ATMIN: variants seen among roughly 807,000 people sequenced by gnomAD.
ATMIN encodes ATM interactor, also known as ATM INteracting protein.
A neutral mutation model predicts 49.2 loss-of-function variants in ATMIN; 24 were observed. That is an observed-to-expected ratio of 0.49 (90% CI 0.35 to 0.69). ATMIN has a LOEUF of 0.69. Ranked by LOEUF, ATMIN falls within the 30% of genes least tolerant of loss-of-function variation. The pLI is 0.00. For missense variants in ATMIN, 1,037 were observed against 1,005.5 expected, an observed-to-expected ratio of 1.03 and a Z score of -0.42; for synonymous variants, 450 against 392.5, an observed-to-expected ratio of 1.15 and a Z score of -1.73.
At chr16:81,039,460 A>G (rs1199557621) in intron 1 of ATMIN, among the ~76,000 whole-genome samples, 1 of 152,140 alleles carries the variant, frequency 6.6e-6, no homozygotes, top group African/African-American at 2.4e-5. Context: ...AGCAACGAGG[A>G]TGGGTGAGAA....
At position 81,044,168 on chromosome 16, in the gene ATMIN, A is replaced by C; in HGVS notation, c.1670A>C (p.Gln557Pro). Residue 557 changes from glutamine to proline, a missense_variant, in exon 4 of 4, where the codon CAA (glutamine) becomes CCA (proline). By Grantham distance (76) the Gln-to-Pro change is moderately conservative. Coordinates refer to ENST00000299575, the MANE Select transcript of ATMIN (RefSeq NM_015251.3). ...CAGAATGAGCCTAAGACTTTAAATC[A>C]AGATATTGAGAAATCTGCACCAATT... ...LPQNEPKTLN[Q>P]DIEKSAPIIN... 6.2e-7 allele frequency: 1 copy of C among 1,614,226 alleles called. No homozygotes were observed. Among genetic ancestry groups the C allele is most frequent in the Non-Finnish European group, 8.5e-7 (1 of 1,180,022 alleles).
Position 81,046,276 on chromosome 16 carries a change from A to T in ATMIN, c.*1306A>T, listed in dbSNP as rs566373800. 1 of 152,204 alleles carries T rather than the reference A, an allele frequency of 6.6e-6. No individual in the cohort carries two copies. 9.4% of individuals were successfully genotyped at this position (152,204 alleles called of 1,614,324 possible). Reference sequence around the variant, plus strand: ...GTTTCAATACTTTGCACTTCTACTAAGCTTGATAGGGCAGGAGTGCAATCT... The same window carrying T: ...GTTTCAATACTTTGCACTTCTACTATGCTTGATAGGGCAGGAGTGCAATCT... On this transcript the variant is annotated 3_prime_UTR_variant, in exon 4 of 4. Coordinates refer to ENST00000299575, the MANE Select transcript of ATMIN (RefSeq NM_015251.3).
At chr16:81,041,591 A>ACACGCAGGCATC in intron 2 of ATMIN, 110 bp downstream of exon 2, 7 of 1,383,074 alleles carry the variant, frequency 5.1e-6, no homozygotes, top group Non-Finnish European at 6.9e-6. Context: ...GTGAGGGGAG[A>ACACGCAGGCATC]TGCCTGCGTG....
intron 3 of ATMIN, 68 bp from the exon 4 acceptor site, chr16:81,043,093 G>C: frequency 6.6e-7 from 1 of 1,514,878 alleles, no homozygotes; most frequent in East Asian, 2.3e-5. Flanking sequence ...TTGTAAGTGA[G>C]GATAGAGTGT....
At chr16:81,037,722 G>A (rs1970968979) in intron 1 of ATMIN, among the ~76,000 whole-genome samples, 1 of 152,092 alleles carries the variant, frequency 6.6e-6, no homozygotes, top group African/African-American at 2.4e-5. Flanking sequence ...TGTAACCTCT[G>A]CCTCCGGGGT....
Position 81,041,489 on chromosome 16 carries a change from C to G in ATMIN, c.462+8C>G, listed in dbSNP as rs373179743. 145 of 1,597,810 alleles carry G rather than the reference C, an allele frequency of 9.1e-5. No individual in the cohort carries two copies. The highest frequency in any genetic ancestry group is 1.2e-4 in the Non-Finnish European group (140 of 1,176,116). ...TTTTCTCTCGTAAAACAGGTACTCTCTACTCTGAGGATGAGATACAGATGC... is the reference window on the plus strand; with the variant it reads ...TTTTCTCTCGTAAAACAGGTACTCTGTACTCTGAGGATGAGATACAGATGC... On this transcript the variant is annotated splice_region_variant and intron_variant, in intron 2 of 3. Coordinates refer to ENST00000299575, the MANE Select transcript of ATMIN (RefSeq NM_015251.3).
At position 81,045,134 on chromosome 16, in the gene ATMIN, G is replaced by C. The variant is rs541001647; in HGVS notation, c.*164G>C. ...TTTGTACTTGTAAACAGAAATTTGC[G>C]TATAAATGTGAGTGTATTATAAAGT... is the stretch of plus-strand genomic sequence containing the variant. On this transcript the variant is annotated 3_prime_UTR_variant, in exon 4 of 4. Transcript: ENST00000299575. 82 of 903,852 alleles carry C rather than the reference G, an allele frequency of 9.1e-5. 1 individual carries two copies. Among genetic ancestry groups the C allele is most frequent in the South Asian group, 6.2e-4 (31 of 49,818 alleles). The allele number at this position is 903,852 out of a possible 1,614,324, so 56.0% of individuals were successfully genotyped here.
In ATMIN at chr16:81,046,172, G is replaced by T. The variant is rs1971116126; in HGVS notation, c.*1202G>T. Reference sequence around the variant, plus strand: ...GGGCTCTGGAGCTGTTTCCCCAAGTGCATCCACAAGCTGGATCTGAGTTTT... The same window carrying T: ...GGGCTCTGGAGCTGTTTCCCCAAGTTCATCCACAAGCTGGATCTGAGTTTT... On this transcript the variant is annotated 3_prime_UTR_variant, in exon 4 of 4. Coordinates refer to ENST00000299575, the MANE Select transcript of ATMIN (RefSeq NM_015251.3). 1 of 152,090 alleles carries T rather than the reference G, an allele frequency of 6.6e-6. No homozygotes were observed. The highest frequency in any genetic ancestry group is 2.4e-5 in the African/African-American group (1 of 41,404). 9.4% of individuals were successfully genotyped at this position (152,090 alleles called of 1,614,324 possible). A position where few individuals can be genotyped will look rare whatever the true frequency, so the allele number is the denominator to read the frequency against.
Position 81,043,144 on chromosome 16 carries a change from T to C in ATMIN, c.663-17T>C. ...TTGTATTTTAAGGTTTTCTTTTTGC[T>C]CTGTCATTGTTTTCAGGGACCCACC... is the stretch of plus-strand genomic sequence containing the variant. On this transcript the variant is annotated splice_polypyrimidine_tract_variant and intron_variant, in intron 3 of 3. Coordinates refer to ENST00000299575, the MANE Select transcript of ATMIN (RefSeq NM_015251.3). 6.3e-7 allele frequency: 1 copy of C among 1,576,362 alleles called. No individual in the cohort carries two copies. Among genetic ancestry groups the C allele is most frequent in the African/African-American group, 1.4e-5 (1 of 72,702 alleles).
Position 81,047,154 on chromosome 16 carries a change from C to T in ATMIN, c.*2184C>T, listed in dbSNP as rs1349541005. On this transcript the variant is annotated 3_prime_UTR_variant, in exon 4 of 4. Coordinates refer to ENST00000299575, the MANE Select transcript of ATMIN (RefSeq NM_015251.3). ...GAAGAAAAATGAGCATGTAATAATA[C>T]AAGAACTGTTTCCCCCTCAAAACCT... 1.3e-5 allele frequency: 2 copies of T among 152,508 alleles called. No homozygotes were observed. The highest frequency in any genetic ancestry group is 2.9e-5 in the Non-Finnish European group (2 of 68,024). 9.4% of individuals were successfully genotyped at this position (152,508 alleles called of 1,614,324 possible).
At chr16:81,042,139 C>T in intron 2 of ATMIN, 142 bp from the exon 3 acceptor site, 1 of 726,168 alleles carries the variant, frequency 1.4e-6, no homozygotes, top group Non-Finnish European at 2.3e-6. Context: ...CCTGCTTTTA[C>T]ATTCTTTTGA....
intron 1 of ATMIN, 75 bp downstream of exon 1, chr16:81,036,281 C>G: frequency 2.7e-6 from 3 of 1,096,122 alleles, no homozygotes; most frequent in African/African-American, 1.6e-5. Context: ...GCGCGCGAAG[C>G]CGGCCTCGGG....
intron 1 of ATMIN, chr16:81,037,553 T>C: frequency 1.1e-6 from 1 of 933,486 alleles, no homozygotes; most frequent in Non-Finnish European, 1.3e-6. Context: ...CACTCAAGTG[T>C]AACTCTGGGA....
rs749795984 is a variant in ATMIN, at chr16:81,045,816, A to ATT, written c.*860_*861dup. ...AACGTAAGAAGACCGTGTCTCTGGAATTTTTTTTTTTTTTTAATTAGCCAG... is the reference window on the plus strand; with the variant it reads ...AACGTAAGAAGACCGTGTCTCTGGAATTTTTTTTTTTTTTTTTAATTAGCCAG... On this transcript the variant is annotated 3_prime_UTR_variant, in exon 4 of 4. Transcript: ENST00000299575. The ATT allele has an allele frequency of 2.1e-5, 3 of 144,872 alleles. No homozygotes were observed. Among genetic ancestry groups the ATT allele is most frequent in the Non-Finnish European group, 4.6e-5 (3 of 65,682 alleles). 9.0% of individuals were successfully genotyped at this position (144,872 alleles called of 1,614,324 possible).
intron 1 of ATMIN, chr16:81,037,475 G>C (rs1047386589): frequency 5.5e-5 from 54 of 985,352 alleles, no homozygotes; most frequent in Non-Finnish European, 6.4e-5. Flanking sequence ...ATGTACCTGA[G>C]GTATGCTGAG....
At chr16:81,037,603 T>C (rs1265137753) in intron 1 of ATMIN, 1 of 661,610 alleles carries the variant, frequency 1.5e-6, no homozygotes. Context: ...TACTAAATTT[T>C]AACTAAATCC....
rs1394451612 is a variant in ATMIN at position 81,043,335 on chromosome 16, T to A, written c.837T>A (p.Thr279=). 1.2e-6 allele frequency: 2 copies of A among 1,613,908 alleles called. No homozygotes were observed. Among genetic ancestry groups the A allele is most frequent in the African/African-American group, 2.7e-5 (2 of 74,888 alleles). Reference sequence around the variant, plus strand: ...TTGAAGACTCTTGTGGCTCTAACACTGACAAGCAGACTCTTACAACACCAC... The same window carrying A: ...TTGAAGACTCTTGTGGCTCTAACACAGACAAGCAGACTCTTACAACACCAC... ...PSFEDSCGSN[T]DKQTLTTPPR... Residue 279 remains threonine, a synonymous_variant, in exon 4 of 4, where the codon ACT becomes ACA. Coordinates refer to ENST00000299575, the MANE Select transcript of ATMIN (RefSeq NM_015251.3).
Position 81,041,432 on chromosome 16 carries a change from G to T in ATMIN, c.413G>T (p.Cys138Phe). The T allele has an allele frequency of 6.2e-7, 1 of 1,613,778 alleles. No individual in the cohort carries two copies. ...TTCTACTGCTGTCCAATTGAAGGCT[G>T]CCCCAGAGGCCCTGAGAGACCGTTT... is the stretch of plus-strand genomic sequence containing the variant. ...PKFYCCPIEG[C>F]PRGPERPFSQ... Residue 138 changes from cysteine to phenylalanine, a missense_variant, in exon 2 of 4, where the codon TGC (cysteine) becomes TTC (phenylalanine). Coordinates refer to ENST00000299575, the MANE Select transcript of ATMIN (RefSeq NM_015251.3).
chr16:81,044,553 C>T lies in ATMIN; in HGVS notation c.2055C>T (p.Ser685=), dbSNP rs74028902. 19 of 1,613,866 alleles carry T rather than the reference C, an allele frequency of 1.2e-5. No homozygotes were observed. Among genetic ancestry groups the T allele is most frequent in the East Asian group, 2.2e-5 (1 of 44,884 alleles). The change falls in exon 4 of 4, where the codon TCC becomes TCT. Residue 685 remains serine, a synonymous_variant. Transcript: ENST00000299575. The stretch of plus-strand genomic sequence containing the variant: ...TACTCGCAGATACCTCTGCTCAGTC[C>T]TATGGGTGTAGGGGAAATTCTAACT... ...DFLLADTSAQ[S]YGCRGNSNFL...
Sources: gnomAD v4.1 joint callset for allele counts (sites outside exome capture counted in the v4.1 genomes callset) on GRCh38, gnomAD v4.1.1 for gene constraint, MANE v1.5 for transcripts, NCBI Gene and HGNC (gene_info 2026-07-23, HGNC 2026-07-21) for gene names.